Variants in TMEM178B observed in about 807,000 individuals in gnomAD.
The protein encoded by TMEM178B is transmembrane protein 178B.
In TMEM178B, 5 loss-of-function variants were observed where a neutral mutation model predicts 31.0. That is an observed-to-expected ratio of 0.16 (90% CI 0.08 to 0.34). The LOEUF (loss-of-function observed/expected upper bound fraction) is 0.34, where lower values mean the gene tolerates loss of function less well. Ranked by LOEUF, TMEM178B falls within the 10% of genes least tolerant of loss-of-function variation. The pLI, the probability that TMEM178B is intolerant of heterozygous loss-of-function variation, is 1.00. For synonymous variants in TMEM178B, 164 were observed against 164.0 expected (o/e 1.00, Z 0.00); for missense variants, 275 against 400.3 (o/e 0.69, Z 2.67).
At chr7:141,216,057 C>T (rs1052085670) in intron 2 of TMEM178B, among the ~76,000 whole-genome samples, 1 of 151,840 alleles carries the variant, frequency 6.6e-6, no homozygotes, top group Non-Finnish European at 1.5e-5. Context: ...TCTTGAACTC[C>T]TGGCCTCAAG....
intron 2 of TMEM178B, among the ~76,000 whole-genome samples, chr7:141,310,161 G>A (rs2116456218): frequency 6.6e-6 from 1 of 152,236 alleles, no homozygotes; most frequent in South Asian, 2.1e-4. Flanking sequence ...CCTACAGAAT[G>A]GGAGAAAATT....
intron 2 of TMEM178B, among the ~76,000 whole-genome samples, chr7:141,416,662 G>A (rs948789437): frequency 6.6e-6 from 1 of 152,168 alleles, no homozygotes; most frequent in Non-Finnish European, 1.5e-5. Context: ...TTTTGTTCTG[G>A]ATTTTCACAT....
intron 2 of TMEM178B, among the ~76,000 whole-genome samples, chr7:141,346,223 A>C (rs972590888): frequency 6.6e-6 from 1 of 150,766 alleles, no homozygotes; most frequent in African/African-American, 2.4e-5. Context: ...CATCTCAAGA[A>C]CAAACAAACA....
intron 3 of TMEM178B, among the ~76,000 whole-genome samples, chr7:141,462,774 C>T (rs920187832): frequency 1.3e-5 from 2 of 152,058 alleles, no homozygotes; most frequent in Admixed American, 6.5e-5. Context: ...GGCTTCCTCT[C>T]TTTCACACTC....
Position 141,150,768 on chromosome 7 carries a change from C to T in TMEM178B, c.383-61823C>T, listed in dbSNP as rs149702556. Among the ~76,000 whole-genome samples the T allele has an allele frequency of 1.1e-3, 175 of 152,264 alleles. 1 individual carries two copies. Among genetic ancestry groups the T allele is most frequent in the African/African-American group, 3.7e-3 (152 of 41,550 alleles). ...AGACCAGCAGAACTGCCTAGTCAGC[C>T]GACAAGACTGGAAGAAATAAATAGA... On this transcript the variant is annotated intron_variant, in intron 1 of 3. Coordinates refer to ENST00000565468, the MANE Select transcript of TMEM178B (RefSeq NM_001195278.2).
rs111854371 is a variant in TMEM178B at position 141,424,940 on chromosome 7, T to C, written c.497-12668T>C. Among the ~76,000 whole-genome samples, 217 of 152,312 alleles carry C rather than the reference T, an allele frequency of 1.4e-3. 3 individuals carry two copies. Among genetic ancestry groups the C allele is most frequent in the African/African-American group, 3.7e-3 (152 of 41,590 alleles). On this transcript the variant is annotated intron_variant, in intron 2 of 3. Coordinates refer to ENST00000565468, the MANE Select transcript of TMEM178B (RefSeq NM_001195278.2). The stretch of plus-strand genomic sequence containing the variant: ...AAGTGGCACGGATCATGAAAAGCAC[T>C]GAGGAATAGAAAGGGCATGGACAGA...
At chr7:141,232,987 C>T (rs1391645893) in intron 2 of TMEM178B, among the ~76,000 whole-genome samples, 1 of 152,124 alleles carries the variant, frequency 6.6e-6, no homozygotes, top group East Asian at 1.9e-4. Context: ...GTGGATGATG[C>T]CACTCCCTTA....
chr7:141,436,558 G>C (rs936222695), intron 2 of TMEM178B, among the ~76,000 whole-genome samples: 1 of 152,122 alleles, frequency 6.6e-6, no homozygotes, highest in African/African-American at 2.4e-5. Context: ...AGAGGGGTGG[G>C]TGGCATGAGC....
intron 3 of TMEM178B, among the ~76,000 whole-genome samples, chr7:141,468,322 T>C (rs1336076540): frequency 2.0e-5 from 3 of 152,056 alleles, no homozygotes; most frequent in African/African-American, 7.2e-5. Context: ...CTGCTTTGAG[T>C]CCTCCAAAAC....
intron 2 of TMEM178B, among the ~76,000 whole-genome samples, chr7:141,386,894 T>A (rs1222086081): frequency 6.6e-6 from 1 of 152,184 alleles, no homozygotes; most frequent in African/African-American, 2.4e-5. Flanking sequence ...CTCTTTCTGA[T>A]GCACTATCAG....
chr7:141,115,672 C>T (rs113457783), intron 1 of TMEM178B, among the ~76,000 whole-genome samples: 2 of 152,100 alleles, frequency 1.3e-5, no homozygotes, highest in African/African-American at 2.4e-5. Flanking sequence ...CTGGCTCAGT[C>T]GACTGAAAAC....
intron 1 of TMEM178B, among the ~76,000 whole-genome samples, chr7:141,196,530 CA>C (rs1796785844): frequency 6.6e-6 from 1 of 152,192 alleles, no homozygotes; most frequent in Non-Finnish European, 1.5e-5. Context: ...GAATGTGGAG[CA>C]GCGTTTCTGA....
chr7:141,394,645 G>A (rs985710726), intron 2 of TMEM178B, among the ~76,000 whole-genome samples: 1 of 152,126 alleles, frequency 6.6e-6, no homozygotes, highest in Non-Finnish European at 1.5e-5. Flanking sequence ...CCGACCCAGG[G>A]ATACAGTCCC....
intron 1 of TMEM178B, among the ~76,000 whole-genome samples, chr7:141,196,882 T>G (rs1211790404): frequency 6.6e-6 from 1 of 151,866 alleles, no homozygotes; most frequent in Non-Finnish European, 1.5e-5. Flanking sequence ...ACAGCTAGGG[T>G]TACAGTGTAA....
intron 2 of TMEM178B, among the ~76,000 whole-genome samples, chr7:141,294,535 C>T (rs769390445): frequency 3.3e-5 from 5 of 152,130 alleles, no homozygotes; most frequent in Admixed American, 6.5e-5. Context: ...CTTTCTCAGC[C>T]GTTACAGCTT....
intron 1 of TMEM178B, among the ~76,000 whole-genome samples, chr7:141,112,855 G>T (rs1795256676): frequency 6.6e-6 from 1 of 152,152 alleles, no homozygotes; most frequent in African/African-American, 2.4e-5. Context: ...AATGGCTTTT[G>T]CTGGGTAAGT....
chr7:141,079,481 T>G (rs1191132481), intron 1 of TMEM178B, among the ~76,000 whole-genome samples: 4 of 152,218 alleles, frequency 2.6e-5, no homozygotes, highest in Non-Finnish European at 4.4e-5. Context: ...CATAACTTTG[T>G]TTCAGATGAG....
At chr7:141,087,005 A>T (rs960875935) in intron 1 of TMEM178B, among the ~76,000 whole-genome samples, 1 of 152,152 alleles carries the variant, frequency 6.6e-6, no homozygotes, top group African/African-American at 2.4e-5. Flanking sequence ...TTGTTTTTTA[A>T]AAACAAAAAA....
intron 1 of TMEM178B, among the ~76,000 whole-genome samples, chr7:141,136,225 A>G (rs372789794): frequency 1.1e-4 from 16 of 152,332 alleles, no homozygotes; most frequent in African/African-American, 3.8e-4. Context: ...ATAAAGCCAC[A>G]TATTTACAGC....
Sources: allele counts gnomAD v4.1 joint callset (sites outside exome capture counted in the v4.1 genomes callset), GRCh38; gene constraint gnomAD v4.1.1; transcripts MANE v1.5; gene names NCBI Gene and HGNC (gene_info 2026-07-23, HGNC 2026-07-21).